The following COL10A1 variants were observed in gnomAD, a reference collection of about 807,000 sequenced individuals.
COL10A1 encodes the protein collagen type X alpha 1 chain.
COL10A1 carries 10 observed loss-of-function variants against 18.2 expected under a neutral mutation model. The ratio of observed to expected loss-of-function variants is 0.55; its 90% CI spans 0.34 to 0.93. COL10A1 has a LOEUF of 0.93. COL10A1 is among the 40% of genes least tolerant of loss of function. The pLI is 0.02. For missense variants in COL10A1, 897 were observed against 853.5 expected (o/e 1.05, Z -0.64); for synonymous variants, 330 against 316.6 (o/e 1.04, Z -0.45).
chr6:116,147,294 T>A (rs1213988870), intron 1 of COL10A1, among the ~76,000 whole-genome samples: 2 of 151,702 alleles, frequency 1.3e-5, no homozygotes, highest in Non-Finnish European at 2.9e-5. Flanking sequence ...ATACAAAAAG[T>A]AGCTGGGCGT....
chr6:116,150,624 T>C (rs188390926), intron 1 of COL10A1, among the ~76,000 whole-genome samples: 1 of 152,248 alleles, frequency 6.6e-6, no homozygotes, highest in Non-Finnish European at 1.5e-5. Flanking sequence ...GCAGTGGAAA[T>C]AGAAGTCCCT....
the COL10A1 span, among the ~76,000 whole-genome samples, chr6:116,195,578 T>C: frequency 6.6e-6 from 1 of 152,052 alleles, no homozygotes; most frequent in African/African-American, 2.4e-5. Flanking sequence ...ATGATTACTT[T>C]CATATCATTT....
chr6:116,204,924 A>T, the COL10A1 span, among the ~76,000 whole-genome samples: 9 of 151,996 alleles, frequency 5.9e-5, no homozygotes, highest in African/African-American at 2.2e-4. Context: ...TGAGGAAAGC[A>T]AATTGCACAA....
intron 1 of COL10A1, among the ~76,000 whole-genome samples, chr6:116,150,178 A>T (rs1780002999): frequency 6.6e-6 from 1 of 152,172 alleles, no homozygotes. Flanking sequence ...GACCAATTAG[A>T]TGTATGTTTT....
chr6:116,145,138 T>A (rs1779864677), intron 1 of COL10A1, among the ~76,000 whole-genome samples: 1 of 152,176 alleles, frequency 6.6e-6, no homozygotes, highest in Admixed American at 6.5e-5. Flanking sequence ...TATAATAGAT[T>A]GAAAGCTTCT....
chr6:116,123,998 T>G (rs1375810428), intron 2 of COL10A1, among the ~76,000 whole-genome samples: 1 of 152,220 alleles, frequency 6.6e-6, no homozygotes, highest in Non-Finnish European at 1.5e-5. Context: ...AAATTGTGTT[T>G]GTTGCTTCAA....
At chr6:116,180,580 C>T in the COL10A1 span, among the ~76,000 whole-genome samples, 2 of 152,040 alleles carry the variant, frequency 1.3e-5, no homozygotes, top group African/African-American at 2.4e-5. Context: ...CATTTTGTGC[C>T]TCATGATGTG....
At chr6:116,139,005 A>G (rs2114357795) in intron 1 of COL10A1, among the ~76,000 whole-genome samples, 1 of 152,276 alleles carries the variant, frequency 6.6e-6, no homozygotes, top group Non-Finnish European at 1.5e-5. Flanking sequence ...TTTCAGATTA[A>G]TTTAGTAAAT....
chr6:116,178,088 T>TGC, the COL10A1 span, among the ~76,000 whole-genome samples: 15 of 99,666 alleles, frequency 1.5e-4, no homozygotes, highest in East Asian at 1.2e-3. Context: ...TGTGTGTGTG[T>TGC]GCGCGCGCGC....
At chr6:116,139,226 A>G (rs952810931) in intron 1 of COL10A1, among the ~76,000 whole-genome samples, 1 of 152,108 alleles carries the variant, frequency 6.6e-6, no homozygotes, top group Non-Finnish European at 1.5e-5. Flanking sequence ...CAAAGTGTGG[A>G]TTTTTTGGGG....
chr6:116,200,853 T>C, the COL10A1 span, among the ~76,000 whole-genome samples: 1 of 152,040 alleles, frequency 6.6e-6, no homozygotes, highest in African/African-American at 2.4e-5. Flanking sequence ...TGTTTACTTT[T>C]TCTTCTGAGG....
rs368675402 is a variant in COL10A1, at chr6:116,135,872, T to TATATACACACAC, written c.-15-10366_-15-10365insGTGTGTGTATAT. On this transcript the variant is annotated intron_variant, in intron 1 of 1. Coordinates refer to the COL10A1 transcript ENST00000418500. ...ATATATATATATATATATATATATA[T>TATATACACACAC]ACACACATACACACACATTGCTAAA... 1.1e-3 allele frequency among the ~76,000 whole-genome samples: 138 copies of TATATACACACAC among 121,220 alleles called. 1 individual carries two copies. The highest frequency in any genetic ancestry group is 4.7e-3 in the African/African-American group (132 of 28,344). 79.5% of individuals were successfully genotyped at this position (121,220 alleles called of 152,430 possible). A position where few individuals can be genotyped will look rare whatever the true frequency, so the allele number is the denominator to read the frequency against.
At chr6:116,182,112 C>T in the COL10A1 span, among the ~76,000 whole-genome samples, 1 of 152,036 alleles carries the variant, frequency 6.6e-6, no homozygotes, top group African/African-American at 2.4e-5. Flanking sequence ...TGAGTGAGAA[C>T]ATTGGTTTTC....
chr6:116,154,584 G>A (rs1282696714), intron 1 of COL10A1, among the ~76,000 whole-genome samples: 3 of 152,166 alleles, frequency 2.0e-5, no homozygotes, highest in African/African-American at 4.8e-5. Flanking sequence ...TGCTAGAACA[G>A]TGAGGTGGTG....
Position 116,119,200 on chromosome 6 carries a change from A to G in COL10A1, c.*873T>C, listed in dbSNP as rs1392553600. 1 of 152,696 alleles carries G rather than the reference A, an allele frequency of 6.5e-6. No individual in the cohort carries two copies. Among genetic ancestry groups the G allele is most frequent in the African/African-American group, 2.4e-5 (1 of 41,472 alleles). 9.5% of individuals were successfully genotyped at this position (152,696 alleles called of 1,614,324 possible). A position where few individuals can be genotyped will look rare whatever the true frequency, so the allele number is the denominator to read the frequency against. On this transcript the variant is annotated 3_prime_UTR_variant, in exon 3 of 3. Coordinates refer to ENST00000651968, the MANE Select transcript of COL10A1 (RefSeq NM_000493.4). Reference sequence around the variant, plus strand: ...AATTTTGAAACCCTCAGTGTAAATTATAACTTCACTTGAATGGGAGGCACA... The same window carrying G: ...AATTTTGAAACCCTCAGTGTAAATTGTAACTTCACTTGAATGGGAGGCACA...
chr6:116,157,878 T>C (rs1326285304), intron 1 of COL10A1, among the ~76,000 whole-genome samples: 1 of 152,208 alleles, frequency 6.6e-6, no homozygotes, highest in Non-Finnish European at 1.5e-5. Context: ...GTACGTCTTT[T>C]AGGCTAGTAA....
intron 1 of COL10A1, among the ~76,000 whole-genome samples, chr6:116,150,218 A>G (rs956400634): frequency 1.3e-5 from 2 of 152,146 alleles, no homozygotes; most frequent in African/African-American, 4.8e-5. Flanking sequence ...TCACATGGAG[A>G]GCATGCTGAG....
intron 1 of COL10A1, among the ~76,000 whole-genome samples, chr6:116,139,102 A>G (rs1161658767): frequency 1.3e-5 from 2 of 152,162 alleles, no homozygotes; most frequent in Admixed American, 1.3e-4. Context: ...TTATAGCACA[A>G]CTATTAAAAA....
rs763519621 is a variant in COL10A1 at position 116,121,855 on chromosome 6, ACTTCCGTAGC to A, written c.251_260del (p.Gly84ValfsTer19). ...ACCCTGGCTCTCCTTGGAGTCCAGG[ACTTCCGTAGC>A]CTGGTTTTCCTGGTGGTCCAGAAGG... On this transcript the variant is annotated frameshift_variant, in exon 3 of 3. Coordinates refer to ENST00000651968, the MANE Select transcript of COL10A1 (RefSeq NM_000493.4). LOFTEE classifies it low-confidence loss of function (END_TRUNC). 6.2e-7 allele frequency: 1 copy of A among 1,613,764 alleles called. No homozygotes were observed. Among genetic ancestry groups the A allele is most frequent in the Non-Finnish European group, 8.5e-7 (1 of 1,179,926 alleles).
Sources: gnomAD v4.1 joint callset for allele counts (sites outside exome capture counted in the v4.1 genomes callset) on GRCh38, gnomAD v4.1.1 for gene constraint, MANE v1.5 for transcripts, NCBI Gene and HGNC (gene_info 2026-07-23, HGNC 2026-07-21) for gene names.